The following KCND2 variants were observed in gnomAD, a reference collection of about 807,000 sequenced individuals.
The protein encoded by KCND2 is potassium voltage-gated channel subfamily D member 2.
In KCND2, 16 loss-of-function variants were observed where a neutral mutation model predicts 54.4. That is an observed-to-expected ratio of 0.29 (90% CI 0.20 to 0.45). The LOEUF is 0.45. KCND2 is among the 20% of genes least tolerant of loss of function. KCND2 has a pLI of 1.00. For missense variants in KCND2, 486 were observed against 824.2 expected (o/e 0.59, Z 5.02); for synonymous variants, 317 against 310.7 (o/e 1.02, Z -0.21).
intron 1 of KCND2, among the ~76,000 whole-genome samples, chr7:120,461,160 CG>C (rs754958027): frequency 2.6e-5 from 4 of 152,048 alleles, no homozygotes; most frequent in Admixed American, 1.3e-4. Flanking sequence ...ACCTTTGCCC[CG>C]AGCACCCAGC....
intron 1 of KCND2, among the ~76,000 whole-genome samples, chr7:120,367,093 A>G (rs560115516): frequency 2.0e-5 from 3 of 152,228 alleles, no homozygotes; most frequent in East Asian, 1.9e-4. Context: ...GCCCATTGCT[A>G]TGTCTTTATG....
chr7:120,631,519 A>T (rs1793233731), intron 1 of KCND2, among the ~76,000 whole-genome samples: 1 of 152,118 alleles, frequency 6.6e-6, no homozygotes, highest in Non-Finnish European at 1.5e-5. Flanking sequence ...ATAAACAGAG[A>T]AATCAACATT....
At chr7:120,578,662 A>G (rs1297858135) in intron 1 of KCND2, among the ~76,000 whole-genome samples, 1 of 152,122 alleles carries the variant, frequency 6.6e-6, no homozygotes, top group African/African-American at 2.4e-5. Context: ...TCAGGAGTTC[A>G]AGACCAGCCT....
chr7:120,328,505 C>A (rs1433597270), intron 1 of KCND2, among the ~76,000 whole-genome samples: 1 of 152,052 alleles, frequency 6.6e-6, no homozygotes, highest in Non-Finnish European at 1.5e-5. Flanking sequence ...TAATCTCTTT[C>A]CCATGTAAGC....
intron 1 of KCND2, among the ~76,000 whole-genome samples, chr7:120,578,593 G>A (rs1001537812): frequency 4.6e-5 from 7 of 152,194 alleles, no homozygotes; most frequent in East Asian, 3.9e-4. Context: ...TTAGCCAGGC[G>A]CAGTGGTTCA....
chr7:120,361,285 GA>G (rs1446791140), intron 1 of KCND2, among the ~76,000 whole-genome samples: 1 of 151,662 alleles, frequency 6.6e-6, no homozygotes, highest in Non-Finnish European at 1.5e-5. Context: ...TTCTAGTTCT[GA>G]AGCAAAAAAG....
intron 1 of KCND2, among the ~76,000 whole-genome samples, chr7:120,627,115 C>G (rs1275890093): frequency 6.6e-6 from 1 of 152,148 alleles, no homozygotes; most frequent in African/African-American, 2.4e-5. Context: ...ACAGCAGAAA[C>G]CTGGATGCAA....
intron 1 of KCND2, among the ~76,000 whole-genome samples, chr7:120,473,434 C>A (rs1212968489): frequency 2.0e-5 from 3 of 152,108 alleles, no homozygotes; most frequent in Non-Finnish European, 1.5e-5. Context: ...GGGTTTCCTC[C>A]ATGATCATTT....
At chr7:120,516,021 A>G (rs1305302388) in intron 1 of KCND2, among the ~76,000 whole-genome samples, 1 of 152,094 alleles carries the variant, frequency 6.6e-6, no homozygotes, top group Non-Finnish European at 1.5e-5. Flanking sequence ...CTTCTGATGT[A>G]GTCTTCTGTA....
chr7:120,407,336 A>G lies in KCND2; in HGVS notation c.1115+131589A>G, dbSNP rs147688006. Reference sequence around the variant, plus strand: ...TTAGAGAGTAAGAATGTAGAGATACATAAGAAGTACACATTATCTTGAAAG... The same window carrying G: ...TTAGAGAGTAAGAATGTAGAGATACGTAAGAAGTACACATTATCTTGAAAG... On this transcript the variant is annotated intron_variant, in intron 1 of 5. Transcript: ENST00000331113. Among the ~76,000 whole-genome samples, 23 of 152,156 alleles carry G rather than the reference A, an allele frequency of 1.5e-4. No homozygotes were observed. In the East Asian group the frequency reaches 4.4e-3, roughly 29 times the overall value.
chr7:120,426,908 C>T (rs1274039527), intron 1 of KCND2, among the ~76,000 whole-genome samples: 1 of 152,168 alleles, frequency 6.6e-6, no homozygotes, highest in Non-Finnish European at 1.5e-5. Flanking sequence ...GCATGAGCCA[C>T]CGCGCCCGGC....
intron 1 of KCND2, among the ~76,000 whole-genome samples, chr7:120,299,056 AAACT>A (rs1262346991): frequency 6.6e-6 from 1 of 152,140 alleles, no homozygotes; most frequent in African/African-American, 2.4e-5. Flanking sequence ...GCTACTCAAG[AAACT>A]GAGGCAGGAG....
At chr7:120,487,251 G>A (rs1050699128) in intron 1 of KCND2, among the ~76,000 whole-genome samples, 2 of 151,744 alleles carry the variant, frequency 1.3e-5, no homozygotes, top group African/African-American at 4.8e-5. Context: ...AAAAAAAGAG[G>A]GATACCCTTA....
chr7:120,378,822 A>T (rs1584754031), intron 1 of KCND2, among the ~76,000 whole-genome samples: 1 of 152,108 alleles, frequency 6.6e-6, no homozygotes, highest in Non-Finnish European at 1.5e-5. Flanking sequence ...ATAGAATCTC[A>T]TATACTGGAA....
At chr7:120,397,609 CTCTGTTTA>C (rs961271612) in intron 1 of KCND2, among the ~76,000 whole-genome samples, 4 of 151,734 alleles carry the variant, frequency 2.6e-5, no homozygotes, top group African/African-American at 9.7e-5. Context: ...ATTTTTGTTG[CTCTGTTTA>C]CTTGATGATC....
chr7:120,317,433 TTG>T (rs1005668743), intron 1 of KCND2, among the ~76,000 whole-genome samples: 4 of 152,288 alleles, frequency 2.6e-5, no homozygotes, highest in Middle Eastern at 3.4e-3. Flanking sequence ...TAATTATTAA[TTG>T]TGTCTTTAAT....
At chr7:120,322,791 T>A (rs1563008879) in intron 1 of KCND2, among the ~76,000 whole-genome samples, 1 of 152,102 alleles carries the variant, frequency 6.6e-6, no homozygotes, top group Non-Finnish European at 1.5e-5. Flanking sequence ...AACTTTGTCT[T>A]TTGATAACAG....
At chr7:120,586,907 AT>A (rs1442704513) in intron 1 of KCND2, among the ~76,000 whole-genome samples, 1 of 152,178 alleles carries the variant, frequency 6.6e-6, no homozygotes, top group Non-Finnish European at 1.5e-5. Context: ...GCACAACTTT[AT>A]AAAAAGCCCC....
At chr7:120,539,999 G>A (rs1791960615) in intron 1 of KCND2, among the ~76,000 whole-genome samples, 1 of 152,104 alleles carries the variant, frequency 6.6e-6, no homozygotes, top group South Asian at 2.1e-4. Flanking sequence ...ATATGGAAAG[G>A]CAAGGGCTAG....
Sources: gnomAD v4.1 joint callset for allele counts (sites outside exome capture counted in the v4.1 genomes callset) on GRCh38, gnomAD v4.1.1 for gene constraint, MANE v1.5 for transcripts, NCBI Gene and HGNC (gene_info 2026-07-23, HGNC 2026-07-21) for gene names.